The following CUX2 variants were observed in gnomAD, a reference collection of about 807,000 sequenced individuals.
CUX2 encodes the protein homeobox protein cut-like 2.
CUX2 carries 40 observed loss-of-function variants against 144.8 expected under a neutral mutation model. That is an observed-to-expected ratio of 0.28 (90% CI 0.21 to 0.36). The LOEUF (loss-of-function observed/expected upper bound fraction) is 0.36. CUX2 is among the 10% of genes least tolerant of loss of function. The pLI is 1.00. For synonymous variants in CUX2, 827 were observed against 875.6 expected (o/e 0.94, Z 0.98); for missense variants, 1,615 against 1,994.0 (o/e 0.81, Z 3.62).
At position 111,193,219 on chromosome 12, in the gene CUX2, A is replaced by C. The variant is rs559162269; in HGVS notation, c.64-20981A>C. Among the ~76,000 whole-genome samples the C allele has an allele frequency of 3.0e-4, 46 of 152,280 alleles. No individual in the cohort carries two copies. The East Asian group carries it at 8.5e-3, about 28-fold the overall frequency. Reference sequence around the variant, plus strand: ...GAGAGAGGGAGACGTGGAATTACCCAAATCCCACCTGCCTGACTGCGCCCC... The same window carrying C: ...GAGAGAGGGAGACGTGGAATTACCCCAATCCCACCTGCCTGACTGCGCCCC... On this transcript the variant is annotated intron_variant, in intron 1 of 21. Transcript: ENST00000261726.
At chr12:111,070,507 G>A (rs1871218112) in intron 1 of CUX2, among the ~76,000 whole-genome samples, 1 of 150,278 alleles carries the variant, frequency 6.7e-6, no homozygotes, top group Non-Finnish European at 1.5e-5. Flanking sequence ...AAAATCGAGA[G>A]TTGCCGTATC....
At chr12:111,128,340 A>G (rs1353619133) in intron 1 of CUX2, among the ~76,000 whole-genome samples, 1 of 152,168 alleles carries the variant, frequency 6.6e-6, no homozygotes, top group Non-Finnish European at 1.5e-5. Flanking sequence ...TGGTGCCTAC[A>G]TATCCTGGAG....
rs1418542631 is a variant in CUX2 at position 111,307,449 on chromosome 12, G to A, written c.1109+192G>A. On this transcript the variant is annotated intron_variant, in intron 12 of 21. Coordinates refer to ENST00000261726, the MANE Select transcript of CUX2 (RefSeq NM_015267.4). This position sits in a 1 kb window ranked among gnomAD's most constrained non-coding sequence, Gnocchi z 4.1. ...CATCCCTGTAATCCCAACACTTTGG[G>A]AGGCCCAGGCAGGAGGATCGCTTGA... Among the ~76,000 whole-genome samples, 1 of 152,210 alleles carries A rather than the reference G, an allele frequency of 6.6e-6. No homozygotes were observed. The highest frequency in any genetic ancestry group is 1.5e-5 in the Non-Finnish European group (1 of 68,040).
intron 1 of CUX2, among the ~76,000 whole-genome samples, chr12:111,090,380 C>T (rs529669049): frequency 6.6e-6 from 1 of 152,270 alleles, no homozygotes; most frequent in African/African-American, 2.4e-5. Flanking sequence ...TCTCCTGCCT[C>T]AGCCTCCTGA....
intron 4 of CUX2, among the ~76,000 whole-genome samples, chr12:111,278,143 G>A (rs1024598391): frequency 2.0e-5 from 3 of 152,200 alleles, no homozygotes; most frequent in African/African-American, 7.2e-5. Flanking sequence ...CGGGCAGGAC[G>A]TGGTGGCTCA....
chr12:111,283,408 C>T lies in CUX2; in HGVS notation c.302-8010C>T, dbSNP rs184731715. On this transcript the variant is annotated intron_variant, in intron 4 of 21. Coordinates refer to ENST00000261726, the MANE Select transcript of CUX2 (RefSeq NM_015267.4). ...CACCTGGAAGGTGTCACCAATGCCT[C>T]GAGGGAGGTTTTCTCTTGAAGGGAG... 6.6e-5 allele frequency among the ~76,000 whole-genome samples: 10 copies of T among 152,166 alleles called. No homozygotes were observed. The South Asian group carries it at 1.0e-3, about 16-fold the overall frequency.
At chr12:111,254,151 C>T (rs1056498845) in intron 3 of CUX2, among the ~76,000 whole-genome samples, 15 of 152,186 alleles carry the variant, frequency 9.9e-5, no homozygotes, top group Non-Finnish European at 2.1e-4. Flanking sequence ...CAGATGCTGA[C>T]GGATGCGTGG....
intron 1 of CUX2, among the ~76,000 whole-genome samples, chr12:111,093,490 T>A (rs1285852642): frequency 1.3e-5 from 2 of 150,442 alleles, no homozygotes; most frequent in African/African-American, 2.4e-5. Context: ...CTTCTAAAAG[T>A]AGTGAAAAAA....
Position 111,059,113 on chromosome 12 carries a change from T to C in CUX2, c.63+24873T>C, listed in dbSNP as rs1870656822. On this transcript the variant is annotated intron_variant, in intron 1 of 21. Coordinates refer to ENST00000261726, the MANE Select transcript of CUX2 (RefSeq NM_015267.4). This position sits in a 1 kb window ranked among gnomAD's most constrained non-coding sequence, Gnocchi z 5.3. ...TCTAGAGGCTCGGAATGCTGAACTTTCTGAGGATGCAGCCCAGCAGGTACC... is the reference window on the plus strand; with the variant it reads ...TCTAGAGGCTCGGAATGCTGAACTTCCTGAGGATGCAGCCCAGCAGGTACC... Among the ~76,000 whole-genome samples, 1 of 152,228 alleles carries C rather than the reference T, an allele frequency of 6.6e-6. No individual in the cohort carries two copies. The highest frequency in any genetic ancestry group is 2.1e-4 in the South Asian group (1 of 4,832).
At chr12:111,298,638 T>C (rs1886136206) in intron 9 of CUX2, 49 bp downstream of exon 9, 1 of 1,525,198 alleles carries the variant, frequency 6.6e-7, no homozygotes, top group Non-Finnish European at 8.9e-7. Flanking sequence ...TCCCTCTGCC[T>C]GGGGTGGGGG....
In CUX2 at chr12:111,347,920, T is replaced by A. The variant is rs1229903418; in HGVS notation, c.4056T>A (p.Gly1352=). 6.2e-7 allele frequency: 1 copy of A among 1,614,030 alleles called. No individual in the cohort carries two copies. The highest frequency in any genetic ancestry group is 1.7e-5 in the Admixed American group (1 of 60,012). Residue 1352 remains glycine, a synonymous_variant, in exon 22 of 22, where the codon GGT becomes GGA. Coordinates refer to ENST00000261726, the MANE Select transcript of CUX2 (RefSeq NM_015267.4). ...TGGCTCCCGGGCCCCTCCTTCCAGG[T>A]GGATCCACCCCAGACTGTCCCTCAC... is the stretch of plus-strand genomic sequence containing the variant. ...PKVAPGPLLP[G]GSTPDCPSLH...
At chr12:111,060,668 C>T (rs1870726199) in intron 1 of CUX2, among the ~76,000 whole-genome samples, 1 of 152,238 alleles carries the variant, frequency 6.6e-6, no homozygotes, top group Non-Finnish European at 1.5e-5. Context: ...AGCAGGGGTT[C>T]TATCTGGTTT....
intron 1 of CUX2, among the ~76,000 whole-genome samples, chr12:111,076,295 T>TA (rs1406187212): frequency 6.6e-6 from 1 of 152,238 alleles, no homozygotes; most frequent in Admixed American, 6.5e-5. Context: ...ACCTGGCATA[T>TA]AATAGCAATA....
intron 1 of CUX2, among the ~76,000 whole-genome samples, chr12:111,139,902 C>T (rs1379229395): frequency 6.6e-6 from 1 of 152,186 alleles, no homozygotes; most frequent in Non-Finnish European, 1.5e-5. Flanking sequence ...GGTGCTAATC[C>T]AAACTCAGCC....
intron 1 of CUX2, among the ~76,000 whole-genome samples, chr12:111,122,798 G>T (rs1023319364): frequency 5.3e-5 from 8 of 152,176 alleles, no homozygotes; most frequent in African/African-American, 1.9e-4. Flanking sequence ...TTGATATGGG[G>T]ACACAAGTCA....
chr12:111,043,707 G>A (rs1472215439), intron 1 of CUX2, among the ~76,000 whole-genome samples: 1 of 152,158 alleles, frequency 6.6e-6, no homozygotes, highest in Non-Finnish European at 1.5e-5. Flanking sequence ...CAGCACTCCG[G>A]GAGGTACCAT....
intron 1 of CUX2, among the ~76,000 whole-genome samples, chr12:111,196,969 A>C (rs1880279748): frequency 6.6e-6 from 1 of 152,142 alleles, no homozygotes; most frequent in Non-Finnish European, 1.5e-5. Flanking sequence ...GGCTGCATGT[A>C]CAGGAATATT....
chr12:111,124,155 A>G (rs1024557066), intron 1 of CUX2, among the ~76,000 whole-genome samples: 2 of 152,214 alleles, frequency 1.3e-5, no homozygotes, highest in Non-Finnish European at 2.9e-5. Flanking sequence ...GGCCAAGGGA[A>G]ACTTCCCTTT....
intron 1 of CUX2, among the ~76,000 whole-genome samples, chr12:111,168,307 T>C (rs971079280): frequency 2.0e-5 from 3 of 152,214 alleles, no homozygotes; most frequent in African/African-American, 7.2e-5. Context: ...AAGGTAGAGC[T>C]GTGGAGATCT....
Sources: gnomAD v4.1 joint callset for allele counts (sites outside exome capture counted in the v4.1 genomes callset) on GRCh38, gnomAD v4.1.1 for gene constraint, Gnocchi (gnomAD v3.1) non-coding constraint, MANE v1.5 for transcripts, NCBI Gene and HGNC (gene_info 2026-07-23, HGNC 2026-07-21) for gene names.